Variants in PDZRN3 observed in about 807,000 individuals in gnomAD.
PDZRN3 encodes E3 ubiquitin-protein ligase PDZRN3.
PDZRN3 carries 38 observed loss-of-function variants against 85.7 expected under a neutral mutation model. The observed-to-expected ratio is 0.44, with a 90% confidence interval of 0.34 to 0.58. The LOEUF (loss-of-function observed/expected upper bound fraction) is 0.58, where lower values mean the gene tolerates loss of function less well. Ranked by LOEUF, PDZRN3 falls within the 20% of genes least tolerant of loss-of-function variation. PDZRN3 has a pLI of 0.01. For synonymous variants in PDZRN3, 759 were observed against 638.0 expected, an observed-to-expected ratio of 1.19 and a Z score of -2.86; for missense variants, 1,629 against 1,506.4, an observed-to-expected ratio of 1.08 and a Z score of -1.35.
intron 1 of PDZRN3, among the ~76,000 whole-genome samples, chr3:73,617,543 G>A (rs1559759308): frequency 6.6e-6 from 1 of 152,100 alleles, no homozygotes; most frequent in Non-Finnish European, 1.5e-5. Context: ...CCTACCACAG[G>A]GCCTGGCACT....
At chr3:73,605,947 C>T (rs769523998) in intron 2 of PDZRN3, among the ~76,000 whole-genome samples, 2 of 152,244 alleles carry the variant, frequency 1.3e-5, no homozygotes, top group Admixed American at 6.5e-5. Context: ...AAGAAAATAA[C>T]TTAGACATGC....
At chr3:73,467,502 T>A (rs1703244161) in intron 3 of PDZRN3, among the ~76,000 whole-genome samples, 1 of 152,198 alleles carries the variant, frequency 6.6e-6, no homozygotes, top group Non-Finnish European at 1.5e-5. Context: ...TGTTTTGAAG[T>A]AGTGGAAGGA....
At chr3:73,574,025 TACATCCTCTGG>T (rs1199967527) in intron 3 of PDZRN3, among the ~76,000 whole-genome samples, 1 of 152,206 alleles carries the variant, frequency 6.6e-6, no homozygotes, top group East Asian at 1.9e-4. Context: ...AGCTTCTTAG[TACATCCTCTGG>T]ACATGAGTGG....
At chr3:73,544,800 C>T (rs530705504) in intron 3 of PDZRN3, among the ~76,000 whole-genome samples, 1 of 152,028 alleles carries the variant, frequency 6.6e-6, no homozygotes, top group East Asian at 1.9e-4. Context: ...GTTGGAGTTA[C>T]TGTTAATCAC....
chr3:73,400,596 G>A (rs1701728684), intron 5 of PDZRN3, among the ~76,000 whole-genome samples: 2 of 152,312 alleles, frequency 1.3e-5, no homozygotes, highest in East Asian at 1.9e-4. Flanking sequence ...TAAAAGGGAG[G>A]AAGGTGAGGA....
intron 3 of PDZRN3, among the ~76,000 whole-genome samples, chr3:73,460,624 T>C (rs140801628): frequency 3.3e-5 from 5 of 152,328 alleles, no homozygotes; most frequent in African/African-American, 1.2e-4. Flanking sequence ...ATTTTCTTAA[T>C]GCAAAGTTAT....
intron 1 of PDZRN3, among the ~76,000 whole-genome samples, chr3:73,620,309 T>A (rs1702836209): frequency 6.6e-6 from 1 of 152,140 alleles, no homozygotes; most frequent in African/African-American, 2.4e-5. Context: ...GTATCTCAAG[T>A]TTTTCAATCA....
At position 73,382,596 on chromosome 3, in the gene PDZRN3, A is replaced by G. The variant is rs1010294387; in HGVS notation, c.*769T>C. On this transcript the variant is annotated 3_prime_UTR_variant, in exon 10 of 10. Transcript: ENST00000263666. ...ATAAGTCTGTACCTTCAAATCTACA[A>G]AGCAAAAGTTTACTACAATGAGCAC... The G allele has an allele frequency of 3.9e-5, 6 of 152,782 alleles. No homozygotes were observed. In the East Asian group the frequency reaches 1.2e-3, roughly 29 times the overall value. 9.5% of individuals were successfully genotyped at this position (152,782 alleles called of 1,614,324 possible). A position where few individuals can be genotyped will look rare whatever the true frequency, so the allele number is the denominator to read the frequency against.
At chr3:73,481,778 G>C (rs1559701701) in intron 3 of PDZRN3, among the ~76,000 whole-genome samples, 2 of 152,092 alleles carry the variant, frequency 1.3e-5, no homozygotes, top group South Asian at 2.1e-4. Flanking sequence ...AAAACTTAAA[G>C]AGTGTAATTT....
At chr3:73,437,443 T>A (rs191417576) in intron 3 of PDZRN3, among the ~76,000 whole-genome samples, 43 of 152,264 alleles carry the variant, frequency 2.8e-4, no homozygotes, top group African/African-American at 9.9e-4. Flanking sequence ...TACAAAAATG[T>A]TTTTGACCTC....
chr3:73,396,290 T>C (rs1346007111), intron 5 of PDZRN3, among the ~76,000 whole-genome samples: 1 of 152,256 alleles, frequency 6.6e-6, no homozygotes, highest in Admixed American at 6.5e-5. Context: ...GGGAAGATCC[T>C]CTGGAGAGAT....
At chr3:73,596,573 C>T (rs1702433358) in intron 3 of PDZRN3, among the ~76,000 whole-genome samples, 1 of 152,196 alleles carries the variant, frequency 6.6e-6, no homozygotes, top group African/African-American at 2.4e-5. Flanking sequence ...TCATTATGTA[C>T]TGAGAAGGAC....
chr3:73,416,866 T>G (rs1702092688), intron 3 of PDZRN3, among the ~76,000 whole-genome samples: 4 of 77,702 alleles, frequency 5.1e-5, no homozygotes, highest in Non-Finnish European at 7.4e-5. Flanking sequence ...TTTTTGTTTG[T>G]TTTTTTTTGG....
chr3:73,578,902 A>G (rs966601675), intron 3 of PDZRN3, among the ~76,000 whole-genome samples: 1 of 152,190 alleles, frequency 6.6e-6, no homozygotes, highest in African/African-American at 2.4e-5. Flanking sequence ...AGAGTATTAC[A>G]TGGTTAAACA....
intron 3 of PDZRN3, among the ~76,000 whole-genome samples, chr3:73,441,851 G>C (rs13088891): frequency 6.6e-6 from 1 of 152,144 alleles, no homozygotes; most frequent in African/African-American, 2.4e-5. Flanking sequence ...GTCTGTAAAT[G>C]ACTGGCCTGC....
intron 3 of PDZRN3, among the ~76,000 whole-genome samples, chr3:73,473,486 G>A (rs896158384): frequency 2.6e-5 from 4 of 151,954 alleles, no homozygotes; most frequent in Non-Finnish European, 5.9e-5. Flanking sequence ...AACAGAAATT[G>A]GAGATACATA....
At chr3:73,531,176 G>A (rs1326712755) in intron 3 of PDZRN3, among the ~76,000 whole-genome samples, 2 of 151,364 alleles carry the variant, frequency 1.3e-5, no homozygotes, top group African/African-American at 2.4e-5. Flanking sequence ...GCATGAACCC[G>A]GGAGGCGGAG....
chr3:73,489,871 C>G (rs1450754324), intron 3 of PDZRN3, among the ~76,000 whole-genome samples: 1 of 151,974 alleles, frequency 6.6e-6, no homozygotes, highest in Non-Finnish European at 1.5e-5. Context: ...CACGCCCGGC[C>G]GGTAGTTTCA....
intron 3 of PDZRN3, among the ~76,000 whole-genome samples, chr3:73,532,010 CT>C (rs1357031749): frequency 6.6e-6 from 1 of 151,764 alleles, no homozygotes; most frequent in African/African-American, 2.4e-5. Context: ...AAATTCCAAA[CT>C]TTTTTTTTGA....
Sources: gnomAD v4.1 joint callset for allele counts (sites outside exome capture counted in the v4.1 genomes callset) on GRCh38, gnomAD v4.1.1 for gene constraint, MANE v1.5 for transcripts, NCBI Gene and HGNC (gene_info 2026-07-23, HGNC 2026-07-21) for gene names.